Variants in MORC2 observed in about 807,000 individuals in gnomAD.
MORC2 encodes MORC family CW-type zinc finger 2.
MORC2 carries 30 observed loss-of-function variants against 136.0 expected under a neutral mutation model. The observed-to-expected ratio is 0.22, with a 90% CI of 0.17 to 0.30. The LOEUF is 0.30. Among genes scored for constraint, MORC2 ranks in the 10% least tolerant of loss-of-function variants. MORC2 has a pLI of 1.00. For synonymous variants in MORC2, 439 were observed against 487.0 expected, an observed-to-expected ratio of 0.90 and a Z score of 1.30; for missense variants, 922 against 1,333.1, an observed-to-expected ratio of 0.69 and a Z score of 4.80.
intron 6 of MORC2, 96 bp from the exon 7 acceptor site, chr22:30,942,367 A>G: frequency 7.2e-7 from 1 of 1,386,844 alleles, no homozygotes; most frequent in Non-Finnish European, 9.8e-7. Context: ...CAGCAGCTCC[A>G]CACTGCCCTG....
Position 30,940,135 on chromosome 22 carries a change from C to G in MORC2, c.905-94G>C, listed in dbSNP as rs926112650. The G allele has an allele frequency of 1.3e-5, 16 of 1,253,116 alleles. No individual in the cohort carries two copies. The Admixed American group carries it at 1.6e-4, about 12-fold the overall frequency. 77.6% of individuals were successfully genotyped at this position (1,253,116 alleles called of 1,614,324 possible). A position where few individuals can be genotyped will look rare whatever the true frequency, so the allele number is the denominator to read the frequency against. On this transcript the variant is annotated intron_variant, in intron 10 of 25. Coordinates refer to ENST00000397641, the MANE Select transcript of MORC2 (RefSeq NM_001303256.3). Reference sequence around the variant, plus strand: ...CACAGTACTGGACACGAAGTGTGTACACCACCAAGGAAAAAAAGAGTAGGG... The same window carrying G: ...CACAGTACTGGACACGAAGTGTGTAGACCACCAAGGAAAAAAAGAGTAGGG...
At position 30,940,772 on chromosome 22, in the gene MORC2, T is replaced by C. The variant is rs760296192; in HGVS notation, c.890A>G (p.His297Arg). The C allele has an allele frequency of 6.2e-7, 1 of 1,614,126 alleles. No individual in the cohort carries two copies. The highest frequency in any genetic ancestry group is 1.1e-5 in the South Asian group (1 of 91,084). ...RAEQEVKKAE[H>R]VARIAEEKAR... The stretch of plus-strand genomic sequence containing the variant: ...AGTGGCATTACCAATCCTTGCTACG[T>C]GCTCTGCTTTCTTCACCTCCTGCTC... The change falls in exon 10 of 26, where the codon CAC becomes CGC. Residue 297 changes from histidine to arginine, a missense_variant. By Grantham distance (29) the His-to-Arg change is conservative. This residue lies in a region of MORC2 where 261 missense variants were observed against 354.3 expected (regional missense o/e 0.74). Coordinates refer to ENST00000397641, the MANE Select transcript of MORC2 (RefSeq NM_001303256.3).
Position 30,936,491 on chromosome 22 carries a change from A to G in MORC2, c.1737+20T>C. On this transcript the variant is annotated intron_variant, in intron 17 of 25. Transcript: ENST00000397641. The stretch of plus-strand genomic sequence containing the variant: ...GCCCTGACACAGGCTGGCTTTGCCC[A>G]CTGACCATGACCCACGTACCTGAAG... 1 of 1,613,500 alleles carries G rather than the reference A, an allele frequency of 6.2e-7. No homozygotes were observed. Among genetic ancestry groups the G allele is most frequent in the South Asian group, 1.1e-5 (1 of 90,998 alleles).
In MORC2 at chr22:30,939,972, G is replaced by A. The variant is rs771231575; in HGVS notation, c.974C>T (p.Thr325Met). Residue 325 changes from threonine (T) to methionine (M), a missense_variant, in exon 11 of 26, where the codon ACG (threonine) becomes ATG (methionine). Transcript: ENST00000397641. The part of the protein sequence containing the change: ...TLEVRLGGDL[T>M]RDSRVMLRQV... Reference sequence around the variant, plus strand: ...CCGGGACCTTACCCTGGAGTCCCGCGTGAGGTCTCCACCTAGGCGTACTTC... The same window carrying A: ...CCGGGACCTTACCCTGGAGTCCCGCATGAGGTCTCCACCTAGGCGTACTTC... The A allele has an allele frequency of 6.2e-6, 10 of 1,613,756 alleles. No homozygotes were observed. Among genetic ancestry groups the A allele is most frequent in the Non-Finnish European group, 7.6e-6 (9 of 1,180,008 alleles).
At chr22:30,960,924 G>A (rs533124208) in intron 1 of MORC2, among the ~76,000 whole-genome samples, 2 of 139,024 alleles carry the variant, frequency 1.4e-5, no homozygotes, top group African/African-American at 2.6e-5. Context: ...GAGTGCAAGC[G>A]GCGCAATCTC....
At chr22:30,950,472 G>A in intron 3 of MORC2, 27 bp from the exon 4 acceptor site, 1 of 1,609,502 alleles carries the variant, frequency 6.2e-7, no homozygotes, top group Non-Finnish European at 8.5e-7. Flanking sequence ...TGCCATTACT[G>A]GGCCGTTACC....
intron 17 of MORC2, among the ~76,000 whole-genome samples, 182 bp downstream of exon 17, chr22:30,936,329 A>G (rs1306960538): frequency 3.3e-5 from 5 of 152,222 alleles, no homozygotes; most frequent in Non-Finnish European, 7.3e-5. Context: ...TATTCTTAAA[A>G]TAACACTGTT....
chr22:30,940,160 G>A (rs2040721805), intron 10 of MORC2, 119 bp from the exon 11 acceptor site: 1 of 1,015,366 alleles, frequency 9.8e-7, no homozygotes. Flanking sequence ...AAAGAGTAGG[G>A]GGAGCTATGG....
chr22:30,936,756 T>C, intron 16 of MORC2, 113 bp from the exon 17 acceptor site: 5 of 1,410,280 alleles, frequency 3.5e-6, no homozygotes, highest in Non-Finnish European at 4.9e-6. Context: ...ACCTCAGAGT[T>C]CCCAATGCAC....
At chr22:30,950,352 C>A (rs372273227) in intron 4 of MORC2, 25 bp downstream of exon 4, 9 of 1,449,834 alleles carry the variant, frequency 6.2e-6, no homozygotes, top group Non-Finnish European at 8.7e-6. Context: ...CCCCCACCCC[C>A]CAAAACAATA....
In MORC2 at chr22:30,932,841, G is replaced by A. The variant is rs373417061; in HGVS notation, c.2522+48C>T. 1.1e-5 allele frequency: 18 copies of A among 1,613,492 alleles called. No individual in the cohort carries two copies. The African/African-American group carries it at 1.6e-4, about 14-fold the overall frequency. ...GATGGGCTGCTGGCAGGGAGGCCGGGGATACCTCCTTCGAGGAACCACTGC... is the reference window on the plus strand; with the variant it reads ...GATGGGCTGCTGGCAGGGAGGCCGGAGATACCTCCTTCGAGGAACCACTGC... On this transcript the variant is annotated intron_variant, in intron 22 of 25. Coordinates refer to ENST00000397641, the MANE Select transcript of MORC2 (RefSeq NM_001303256.3). The surrounding 1 kb of genome is among the most constrained non-coding windows in gnomAD (Gnocchi z 4.4).
At chr22:30,957,913 T>C (rs2040990395) in intron 2 of MORC2, among the ~76,000 whole-genome samples, 1 of 152,232 alleles carries the variant, frequency 6.6e-6, no homozygotes, top group African/African-American at 2.4e-5. Flanking sequence ...ACTTCCGCTG[T>C]CAATTTTCAT....
rs1041924911 is a variant in MORC2, at chr22:30,940,129, T to C, written c.905-88A>G. ...TGGATCCACAGTACTGGACACGAAG[T>C]GTGTACACCACCAAGGAAAAAAAGA... On this transcript the variant is annotated intron_variant, in intron 10 of 25. Transcript: ENST00000397641. 3.8e-6 allele frequency: 5 copies of C among 1,303,054 alleles called. No individual in the cohort carries two copies. The African/African-American group carries it at 4.4e-5, about 11-fold the overall frequency. The allele number at this position is 1,303,054 out of a possible 1,614,324, so 80.7% of individuals were successfully genotyped here.
At chr22:30,951,004 A>T (rs2040878948) in intron 3 of MORC2, among the ~76,000 whole-genome samples, 1 of 152,244 alleles carries the variant, frequency 6.6e-6, no homozygotes, top group Non-Finnish European at 1.5e-5. Flanking sequence ...CCCTAGGCTG[A>T]CTGGCATTCT....
In MORC2 at chr22:30,941,438, C is replaced by T; in HGVS notation, c.819G>A (p.Lys273=). 3 of 1,613,860 alleles carry T rather than the reference C, an allele frequency of 1.9e-6. 1 individual carries two copies. Among genetic ancestry groups the T allele is most frequent in the Non-Finnish European group, 2.5e-6 (3 of 1,179,952 alleles). ...CAAGGGGCACTGGCCCCTACCTGGG[C>T]TTGTACAGGCAGCAGGAGAGCCTCT... ...QTKRLSCCLY[K]PRMYKYTSSR... is the part of the protein sequence containing the mutation. Residue 273 remains lysine (K), a synonymous_variant, in exon 9 of 26, where the codon AAG becomes AAA. Coordinates refer to ENST00000397641, the MANE Select transcript of MORC2 (RefSeq NM_001303256.3). This position sits in a 1 kb window ranked among gnomAD's most constrained non-coding sequence, Gnocchi z 4.6.
Position 30,934,721 on chromosome 22 carries a change from C to A in MORC2, c.2193+60G>T. Reference sequence around the variant, plus strand: ...CCCCCAGTACAGCTGTGACACTGCACAATTCCATTCCTACACTACTGACAC... The same window carrying A: ...CCCCCAGTACAGCTGTGACACTGCAAAATTCCATTCCTACACTACTGACAC... On this transcript the variant is annotated intron_variant, in intron 19 of 25. Transcript: ENST00000397641. The surrounding 1 kb of genome is among the most constrained non-coding windows in gnomAD (Gnocchi z 4.4). 1 of 1,581,610 alleles carries A rather than the reference C, an allele frequency of 6.3e-7. No homozygotes were observed. The highest frequency in any genetic ancestry group is 8.6e-7 in the Non-Finnish European group (1 of 1,160,046).
At chr22:30,940,090 T>C in intron 10 of MORC2, 49 bp from the exon 11 acceptor site, 1 of 1,579,450 alleles carries the variant, frequency 6.3e-7, no homozygotes, top group Non-Finnish European at 8.6e-7. Context: ...TTCAAAACTC[T>C]TGGTCATCCC....
chr22:30,967,776 A>G, intron 1 of MORC2, 46 bp downstream of exon 1: 1 of 1,548,946 alleles, frequency 6.5e-7, no homozygotes, highest in Non-Finnish European at 8.7e-7. Flanking sequence ...TATAATATCA[A>G]GGAACGAGTT....
intron 1 of MORC2, chr22:30,963,381 A>T: frequency 4.6e-5 from 37 of 804,714 alleles, no homozygotes; most frequent in Non-Finnish European, 5.3e-5. Context: ...CTTTCAACTG[A>T]TTATGGCTTT....
Sources: gnomAD v4.1 joint callset for allele counts (sites outside exome capture counted in the v4.1 genomes callset) on GRCh38, gnomAD v4.1.1 for gene constraint, gnomAD v4.1.1 regional missense constraint, Gnocchi (gnomAD v3.1) non-coding constraint, MANE v1.5 for transcripts, NCBI Gene and HGNC (gene_info 2026-07-23, HGNC 2026-07-21) for gene names.